Variants in LSG1 observed in about 807,000 individuals in gnomAD.
LSG1 encodes large 60S subunit nuclear export GTPase 1.
A neutral mutation model predicts 82.6 loss-of-function variants in LSG1; 55 were observed. That is an observed-to-expected ratio of 0.67 (90% CI 0.54 to 0.83). LSG1 has a LOEUF of 0.83. Among genes scored for constraint, LSG1 ranks in the 40% least tolerant of loss-of-function variants. The probability of loss-of-function intolerance (pLI) is 0.00; values close to 1 mark genes in which losing one functional copy is unlikely to be tolerated. For missense variants in LSG1, 809 were observed against 807.9 expected, an observed-to-expected ratio of 1.00 and a Z score of -0.02; for synonymous variants, 272 against 282.5, an observed-to-expected ratio of 0.96 and a Z score of 0.37.
chr3:194,645,515 C>CACACACACAGACAG (rs1718507031), intron 12 of LSG1: 9 of 53,912 alleles, frequency 1.7e-4, no homozygotes, highest in Admixed American at 4.5e-4. Context: ...CACACACACA[C>CACACACACAGACAG]ACACACACAC....
At chr3:194,665,955 G>A (rs149908424) in intron 4 of LSG1, among the ~76,000 whole-genome samples, 2 of 152,318 alleles carry the variant, frequency 1.3e-5, no homozygotes, top group Non-Finnish European at 2.9e-5. Flanking sequence ...ATGCCCAATG[G>A]CCAAAGAAGG....
At chr3:194,645,587 C>CACAGACAG (rs1718530298) in intron 12 of LSG1, among the ~76,000 whole-genome samples, 1 of 92,284 alleles carries the variant, frequency 1.1e-5, no homozygotes, top group Non-Finnish European at 2.2e-5. Flanking sequence ...CACACACACA[C>CACAGACAG]ACACACACAC....
At chr3:194,671,748 G>A (rs1225955375) in intron 1 of LSG1, 1 of 397,482 alleles carries the variant, frequency 2.5e-6, no homozygotes, top group African/African-American at 2.1e-5. Flanking sequence ...TCTTTTTCCT[G>A]CTCTGGAAGT....
At chr3:194,648,450 G>A (rs1047322649) in intron 11 of LSG1, among the ~76,000 whole-genome samples, 1 of 152,122 alleles carries the variant, frequency 6.6e-6, no homozygotes, top group Non-Finnish European at 1.5e-5. Context: ...GAGAACCCCT[G>A]TGCTGCACGT....
intron 8 of LSG1, among the ~76,000 whole-genome samples, chr3:194,652,344 G>A (rs972469961): frequency 6.6e-6 from 1 of 152,174 alleles, no homozygotes; most frequent in African/African-American, 2.4e-5. Flanking sequence ...TCCCTATTAA[G>A]CATCTGGAAC....
intron 5 of LSG1, among the ~76,000 whole-genome samples, chr3:194,662,505 G>A (rs1718953310): frequency 1.3e-5 from 2 of 152,152 alleles, no homozygotes; most frequent in South Asian, 2.1e-4. Context: ...GCTCATGCCT[G>A]TAACCCCAGC....
At chr3:194,652,624 C>T in intron 8 of LSG1, 105 bp downstream of exon 8, 3 of 1,269,592 alleles carry the variant, frequency 2.4e-6, no homozygotes, top group Non-Finnish European at 3.3e-6. Context: ...GCAATGTTCC[C>T]TACGATGCCG....
rs181433822 is a variant in LSG1 at position 194,667,042 on chromosome 3, G to T, written c.227-470C>A. Among the ~76,000 whole-genome samples the T allele has an allele frequency of 1.6e-3, 243 of 151,466 alleles. 3 individuals carry two copies. Among genetic ancestry groups the T allele is most frequent in the African/African-American group, 5.5e-3 (227 of 41,144 alleles). ...GTAGAGGTGCTGGCTCATAGGATAT[G>T]AAACTGTAAACTTGCTTTCTTTGTC... On this transcript the variant is annotated intron_variant, in intron 2 of 13. Coordinates refer to ENST00000265245, the MANE Select transcript of LSG1 (RefSeq NM_018385.3).
At chr3:194,649,796 C>T (rs1007438716) in intron 10 of LSG1, among the ~76,000 whole-genome samples, 7 of 152,006 alleles carry the variant, frequency 4.6e-5, no homozygotes, top group African/African-American at 1.5e-4. Flanking sequence ...TACAAGCCAG[C>T]GGATTAGTGT....
intron 13 of LSG1, among the ~76,000 whole-genome samples, chr3:194,643,843 T>C (rs537252421): frequency 6.6e-6 from 1 of 152,306 alleles, no homozygotes; most frequent in South Asian, 2.1e-4. Context: ...GGCATATCTA[T>C]ACAATGAAAC....
At chr3:194,647,719 G>A (rs972492061) in intron 11 of LSG1, among the ~76,000 whole-genome samples, 1 of 152,170 alleles carries the variant, frequency 6.6e-6, no homozygotes, top group Non-Finnish European at 1.5e-5. Flanking sequence ...CATTTTGCAG[G>A]CTAACATCCT....
Position 194,670,083 on chromosome 3 carries a change from T to G in LSG1, c.152A>C (p.Gln51Pro), listed in dbSNP as rs770167948. The G allele has an allele frequency of 4.2e-5, 67 of 1,614,014 alleles. No individual in the cohort carries two copies. Among genetic ancestry groups the G allele is most frequent in the East Asian group, 1.1e-4 (5 of 44,892 alleles). Residue 51 changes from glutamine (Q) to proline (P), a missense_variant, in exon 2 of 14, where the codon CAG becomes CCG. Coordinates refer to ENST00000265245, the MANE Select transcript of LSG1 (RefSeq NM_018385.3). ...AAGGGAGCTCTGTTCAGTCACTGAC[T>G]GAAGATTAAGACGACCCCAATCATA... ...DGYDWGRLNL[Q>P]SVTEQSSLDD...
At chr3:194,656,228 G>C (rs553059754) in intron 7 of LSG1, among the ~76,000 whole-genome samples, 5,339 of 150,582 alleles carry the variant, frequency 0.035, 329 homozygotes, top group African/African-American at 0.12. Flanking sequence ...TACAGAATGG[G>C]AGAAAATTTT....
At chr3:194,664,230 G>T (rs1718988184) in intron 5 of LSG1, among the ~76,000 whole-genome samples, 2 of 152,162 alleles carry the variant, frequency 1.3e-5, no homozygotes, top group Non-Finnish European at 2.9e-5. Flanking sequence ...TGGGATCACA[G>T]GTGTGAGCCA....
At chr3:194,645,543 C>CACACACACACACACACAG (rs1718518177) in intron 12 of LSG1, 1 of 45,314 alleles carries the variant, frequency 2.2e-5, no homozygotes. Flanking sequence ...CAGACACACA[C>CACACACACACACACACAG]ACACACACAC....
chr3:194,666,493 C>T lies in LSG1; in HGVS notation c.306G>A (p.Lys102=), dbSNP rs1360769234. Residue 102 remains lysine, a synonymous_variant, in exon 3 of 14, where the codon AAG becomes AAA. Transcript: ENST00000265245. ...LSFEESQRIK[K]LHEENKQFLC... is the part of the protein sequence containing the mutation. ...AGAACTGTTTGTTTTCTTCATGGAG[C>T]TTCTTAATTCTCTGGCTCTCCTCGA... is the stretch of plus-strand genomic sequence containing the variant. 3 of 1,614,098 alleles carry T rather than the reference C, an allele frequency of 1.9e-6. No individual in the cohort carries two copies.
chr3:194,646,198 C>T lies in LSG1; in HGVS notation c.1589G>A (p.Arg530Gln), dbSNP rs752140262. The T allele has an allele frequency of 1.9e-6, 3 of 1,614,068 alleles. No homozygotes were observed. Among genetic ancestry groups the T allele is most frequent in the South Asian group, 2.2e-5 (2 of 91,080 alleles). The change falls in exon 12 of 14, where the codon CGA becomes CAA. Residue 530 changes from arginine to glutamine, a missense_variant. Physicochemically the swap from Arg to Gln is conservative, Grantham distance 43. Coordinates refer to ENST00000265245, the MANE Select transcript of LSG1 (RefSeq NM_018385.3). ...MTAHGQPDQPRSARYILKDYV... is the reference protein window; with the variant it reads ...MTAHGQPDQPQSARYILKDYV... ...GTCCTTCAGGATGTAGCGCGCAGATCGAGGCTGGTCTGGCTGTCCATGCGC... is the reference window on the plus strand; with the variant it reads ...GTCCTTCAGGATGTAGCGCGCAGATTGAGGCTGGTCTGGCTGTCCATGCGC...
intron 13 of LSG1, among the ~76,000 whole-genome samples, chr3:194,644,254 C>A: frequency 6.6e-6 from 1 of 151,124 alleles, no homozygotes; most frequent in East Asian, 2.0e-4. Context: ...CCCAGCTACT[C>A]GGGAGGCTGA....
At chr3:194,644,940 G>C in intron 12 of LSG1, 194 bp from the exon 13 acceptor site, 2 of 413,304 alleles carry the variant, frequency 4.8e-6, no homozygotes, top group East Asian at 7.1e-5. Flanking sequence ...TAGAGACCTA[G>C]CTCTTCCCAT....
Sources: allele counts gnomAD v4.1 joint callset (sites outside exome capture counted in the v4.1 genomes callset), GRCh38; gene constraint gnomAD v4.1.1; transcripts MANE v1.5; gene names NCBI Gene and HGNC (gene_info 2026-07-23, HGNC 2026-07-21).